The following PARN variants were observed in gnomAD, a reference collection of about 807,000 sequenced individuals.
PARN encodes poly(A)-specific ribonuclease, also known as poly(A)-specific ribonuclease PARN.
PARN carries 71 observed loss-of-function variants against 102.8 expected under a neutral mutation model. That is an observed-to-expected ratio of 0.69 (90% CI 0.57 to 0.84). The LOEUF is 0.84. Ranked by LOEUF, PARN falls within the 40% of genes least tolerant of loss-of-function variation. PARN has a pLI of 0.00. For missense variants in PARN, 782 were observed against 760.9 expected, an observed-to-expected ratio of 1.03 and a Z score of -0.33; for synonymous variants, 261 against 252.9, an observed-to-expected ratio of 1.03 and a Z score of -0.30.
intron 18 of PARN, among the ~76,000 whole-genome samples, chr16:14,555,989 T>A (rs1476339999): frequency 6.6e-6 from 1 of 151,566 alleles, no homozygotes; most frequent in Non-Finnish European, 1.5e-5. Flanking sequence ...CTCAGCCTCC[T>A]GAGTAGCTCT....
intron 21 of PARN, among the ~76,000 whole-genome samples, chr16:14,530,214 G>C (rs112748012): frequency 6.6e-6 from 1 of 152,140 alleles, no homozygotes; most frequent in East Asian, 1.9e-4. Flanking sequence ...GACCTGTGGA[G>C]ACCACAGGGT....
rs1269037911 is a variant in PARN at position 14,607,364 on chromosome 16, T to C, written c.660-838A>G. Among the ~76,000 whole-genome samples the C allele has an allele frequency of 3.9e-5, 6 of 152,126 alleles. No homozygotes were observed. In the East Asian group the frequency reaches 5.8e-4, roughly 15 times the overall value. The stretch of plus-strand genomic sequence containing the variant: ...CTGGGATTACAGGCATGTGCCACCA[T>C]GTCCGGCTAAATTTTGTATTTGTAG... On this transcript the variant is annotated intron_variant, in intron 9 of 23. Coordinates refer to ENST00000437198, the MANE Select transcript of PARN (RefSeq NM_002582.4).
intron 18 of PARN, among the ~76,000 whole-genome samples, chr16:14,569,689 T>C (rs1968668673): frequency 6.6e-6 from 1 of 152,134 alleles, no homozygotes; most frequent in Admixed American, 6.5e-5. Context: ...AAAATGTCAG[T>C]GAAGCAATGA....
chr16:14,570,097 T>C (rs1968696736), intron 18 of PARN, among the ~76,000 whole-genome samples: 1 of 151,902 alleles, frequency 6.6e-6, no homozygotes, highest in East Asian at 1.9e-4. Context: ...TCCCAGCACT[T>C]TGACAGGCCA....
At chr16:14,450,334 A>C (rs1006742922) in intron 22 of PARN, among the ~76,000 whole-genome samples, 5 of 152,214 alleles carry the variant, frequency 3.3e-5, no homozygotes, top group Non-Finnish European at 7.3e-5. Context: ...TTCTGAAAAC[A>C]CTTAGCTGCA....
chr16:14,456,498 G>A (rs992476172), intron 22 of PARN, among the ~76,000 whole-genome samples: 7 of 152,102 alleles, frequency 4.6e-5, no homozygotes, highest in African/African-American at 1.7e-4. Flanking sequence ...AAGACAGGTA[G>A]AGCAAGTCCT....
chr16:14,590,234 C>CAAAAAAAAAAA (rs11302769), intron 13 of PARN, among the ~76,000 whole-genome samples: 1 of 45,954 alleles, frequency 2.2e-5, no homozygotes, highest in Non-Finnish European at 3.4e-5. Context: ...GACTCCATCT[C>CAAAAAAAAAAA]AAAAAAAAAA....
intron 18 of PARN, among the ~76,000 whole-genome samples, chr16:14,575,526 G>A (rs1596718473): frequency 6.6e-6 from 1 of 152,182 alleles, no homozygotes; most frequent in South Asian, 2.1e-4. Flanking sequence ...CAGGTAATAA[G>A]AGCCTGTAGC....
intron 13 of PARN, among the ~76,000 whole-genome samples, chr16:14,589,554 G>C (rs1970045209): frequency 6.6e-6 from 1 of 151,388 alleles, no homozygotes; most frequent in Admixed American, 6.6e-5. Context: ...GACAGAGTGA[G>C]ACACTCTCTC....
chr16:14,539,139 T>C (rs533560256), intron 21 of PARN, among the ~76,000 whole-genome samples: 2 of 152,314 alleles, frequency 1.3e-5, no homozygotes, highest in Non-Finnish European at 2.9e-5. Context: ...AACCATTCCC[T>C]ACCCCTGCTC....
intron 10 of PARN, among the ~76,000 whole-genome samples, 191 bp from the exon 11 acceptor site, chr16:14,604,417 C>T (rs1222722998): frequency 2.0e-5 from 3 of 151,944 alleles, no homozygotes; most frequent in Non-Finnish European, 4.4e-5. Context: ...TGTGCCACCA[C>T]ACCCGGCTAA....
At chr16:14,557,921 G>C (rs1967799502) in intron 18 of PARN, among the ~76,000 whole-genome samples, 1 of 152,098 alleles carries the variant, frequency 6.6e-6, no homozygotes, top group African/African-American at 2.4e-5. Context: ...CAGCATAAAC[G>C]ATACACACTG....
intron 21 of PARN, among the ~76,000 whole-genome samples, chr16:14,496,854 A>G (rs1410192571): frequency 6.6e-6 from 1 of 152,210 alleles, no homozygotes. Context: ...ACATTATTCT[A>G]TATCCTAAAA....
intron 22 of PARN, among the ~76,000 whole-genome samples, chr16:14,480,848 C>T (rs907279094): frequency 1.3e-5 from 2 of 151,682 alleles, no homozygotes; most frequent in African/African-American, 4.8e-5. Flanking sequence ...AGCGGAGGCC[C>T]GTGAATCACT....
chr16:14,520,627 A>T (rs992199620), intron 21 of PARN, among the ~76,000 whole-genome samples: 2 of 151,848 alleles, frequency 1.3e-5, no homozygotes, highest in African/African-American at 4.8e-5. Flanking sequence ...TGAGCCTGGG[A>T]GGTGGAGGTT....
At chr16:14,491,685 T>C (rs1964064314) in intron 21 of PARN, among the ~76,000 whole-genome samples, 1 of 151,962 alleles carries the variant, frequency 6.6e-6, no homozygotes, top group East Asian at 1.9e-4. Context: ...AGTGGGAGGA[T>C]CACTTGAGCC....
chr16:14,600,745 A>C (rs902306583), intron 11 of PARN, among the ~76,000 whole-genome samples: 4 of 152,102 alleles, frequency 2.6e-5, no homozygotes, highest in Non-Finnish European at 5.9e-5. Flanking sequence ...AGCCTGACCA[A>C]CATGGTGAAA....
At chr16:14,475,966 GA>G (rs1963024463) in intron 22 of PARN, among the ~76,000 whole-genome samples, 1 of 152,176 alleles carries the variant, frequency 6.6e-6, no homozygotes, top group Admixed American at 6.5e-5. Flanking sequence ...GATCGCAAAG[GA>G]TTGGGGAAGG....
At chr16:14,444,359 T>C (rs1961097019) in intron 23 of PARN, among the ~76,000 whole-genome samples, 1 of 152,162 alleles carries the variant, frequency 6.6e-6, no homozygotes, top group Admixed American at 6.5e-5. Context: ...AATTTTTTTT[T>C]TAGCTCAAAT....
Sources: allele counts gnomAD v4.1 joint callset (sites outside exome capture counted in the v4.1 genomes callset), GRCh38; gene constraint gnomAD v4.1.1; transcripts MANE v1.5; gene names NCBI Gene and HGNC (gene_info 2026-07-23, HGNC 2026-07-21).